The following SPAG16 variants were observed in gnomAD, a reference collection of about 807,000 sequenced individuals.
The protein encoded by SPAG16 is sperm associated antigen 16.
SPAG16 carries 86 observed loss-of-function variants against 80.4 expected under a neutral mutation model. That is an observed-to-expected ratio of 1.07 (90% CI 0.90 to 1.28). SPAG16 has a LOEUF of 1.28. Ranked by LOEUF, SPAG16 falls within the 50% of genes most tolerant of loss-of-function variation. The pLI, the probability that SPAG16 is intolerant of heterozygous loss-of-function variation, is 0.00. For synonymous variants in SPAG16, 294 were observed against 265.9 expected, an observed-to-expected ratio of 1.11 and a Z score of -1.03; for missense variants, 870 against 765.3, an observed-to-expected ratio of 1.14 and a Z score of -1.61.
chr2:213,578,332 A>G (rs1478746013), intron 10 of SPAG16, among the ~76,000 whole-genome samples: 1 of 152,194 alleles, frequency 6.6e-6, no homozygotes, highest in Non-Finnish European at 1.5e-5. Flanking sequence ...TAAGTTGTTT[A>G]AAGTGTGAGA....
intron 10 of SPAG16, among the ~76,000 whole-genome samples, chr2:213,776,149 A>C (rs1476543154): frequency 6.6e-6 from 1 of 152,216 alleles, no homozygotes; most frequent in Non-Finnish European, 1.5e-5. Context: ...TCATATGGCA[A>C]AGGAACTTTG....
At chr2:213,375,476 G>T (rs1247965421) in intron 9 of SPAG16, among the ~76,000 whole-genome samples, 1 of 151,992 alleles carries the variant, frequency 6.6e-6, no homozygotes, top group Non-Finnish European at 1.5e-5. Flanking sequence ...TGTAACGTCA[G>T]ACTTTACTTA....
intron 12 of SPAG16, among the ~76,000 whole-genome samples, chr2:213,999,915 AC>A (rs1232007098): frequency 6.6e-6 from 1 of 152,074 alleles, no homozygotes; most frequent in Non-Finnish European, 1.5e-5. Context: ...GGCTGTATTT[AC>A]CCAATACCTG....
chr2:213,353,341 T>A (rs1203634982), intron 7 of SPAG16, among the ~76,000 whole-genome samples: 1 of 152,198 alleles, frequency 6.6e-6, no homozygotes, highest in Non-Finnish European at 1.5e-5. Context: ...ACTGAGGTGG[T>A]TGAGGCTTCT....
chr2:213,439,996 T>A (rs2070845548), intron 9 of SPAG16, among the ~76,000 whole-genome samples: 1 of 152,196 alleles, frequency 6.6e-6, no homozygotes, highest in South Asian at 2.1e-4. Flanking sequence ...ATTTTATAAA[T>A]AAATGGAGAA....
At chr2:213,982,234 T>C (rs1179088319) in intron 12 of SPAG16, among the ~76,000 whole-genome samples, 1 of 152,052 alleles carries the variant, frequency 6.6e-6, no homozygotes, top group African/African-American at 2.4e-5. Context: ...CAATGGAGGC[T>C]CCCATGTGCC....
chr2:213,328,106 T>G lies in SPAG16; in HGVS notation c.536+10750T>G, dbSNP rs1559414963. Among the ~76,000 whole-genome samples, 3 of 152,098 alleles carry G rather than the reference T, an allele frequency of 2.0e-5. 1 individual carries two copies. Among genetic ancestry groups the G allele is most frequent in the Non-Finnish European group, 4.4e-5 (3 of 67,988 alleles). On this transcript the variant is annotated intron_variant, in intron 5 of 15. Transcript: ENST00000331683. ...GATATTATTATCATATTAGCATTACTCCAATGAAGTAACCATATCTGTTAG... is the reference window on the plus strand; with the variant it reads ...GATATTATTATCATATTAGCATTACGCCAATGAAGTAACCATATCTGTTAG...
At chr2:214,156,115 A>G (rs1010469919) in intron 15 of SPAG16, among the ~76,000 whole-genome samples, 2 of 152,336 alleles carry the variant, frequency 1.3e-5, no homozygotes, top group Non-Finnish European at 1.5e-5. Flanking sequence ...AAGCTAAGAC[A>G]TGGAATCCTG....
At chr2:213,509,492 C>T (rs549061970) in intron 10 of SPAG16, among the ~76,000 whole-genome samples, 68 of 152,330 alleles carry the variant, frequency 4.5e-4, no homozygotes, top group Non-Finnish European at 8.1e-4. Context: ...CCCTTCTACA[C>T]TTTCATCCAT....
chr2:213,484,712 A>G (rs1192794579), intron 9 of SPAG16, among the ~76,000 whole-genome samples: 1 of 152,198 alleles, frequency 6.6e-6, no homozygotes. Flanking sequence ...TCATTTCCCA[A>G]TAGTATTGAT....
At chr2:213,549,624 A>G (rs2076725308) in intron 10 of SPAG16, among the ~76,000 whole-genome samples, 1 of 152,164 alleles carries the variant, frequency 6.6e-6, no homozygotes, top group African/African-American at 2.4e-5. Flanking sequence ...GTGGAAGCTA[A>G]ACAGATCTCC....
intron 10 of SPAG16, among the ~76,000 whole-genome samples, chr2:213,538,758 T>C (rs2076331799): frequency 6.6e-6 from 1 of 152,178 alleles, no homozygotes. Flanking sequence ...CTATTTACCA[T>C]TCACAGGGTT....
intron 15 of SPAG16, among the ~76,000 whole-genome samples, chr2:214,408,628 A>T (rs937160982): frequency 6.6e-6 from 1 of 152,202 alleles, no homozygotes; most frequent in African/African-American, 2.4e-5. Flanking sequence ...TAAATATTTC[A>T]CTATAGCTTT....
At position 213,849,243 on chromosome 2, in the gene SPAG16, A is replaced by G. The variant is rs565242049; in HGVS notation, c.1071-13242A>G. Among the ~76,000 whole-genome samples, 10 of 152,218 alleles carry G rather than the reference A, an allele frequency of 6.6e-5. No homozygotes were observed. The South Asian group carries it at 2.1e-3, about 32-fold the overall frequency. On this transcript the variant is annotated intron_variant, in intron 10 of 15. Coordinates refer to ENST00000331683, the MANE Select transcript of SPAG16 (RefSeq NM_024532.5). Reference sequence around the variant, plus strand: ...CCAGGCTCTTTTTAAGAACTAGCCCATGCAGGAACTAATAGAGTTAGAACT... The same window carrying G: ...CCAGGCTCTTTTTAAGAACTAGCCCGTGCAGGAACTAATAGAGTTAGAACT...
intron 15 of SPAG16, among the ~76,000 whole-genome samples, chr2:214,250,632 T>G (rs1367178918): frequency 1.4e-5 from 2 of 146,298 alleles, no homozygotes; most frequent in Non-Finnish European, 3.0e-5. Flanking sequence ...GAAAAATATA[T>G]AAATATTTAT....
chr2:214,236,304 G>C (rs1192830863), intron 15 of SPAG16, among the ~76,000 whole-genome samples: 1 of 152,130 alleles, frequency 6.6e-6, no homozygotes, highest in African/African-American at 2.4e-5. Flanking sequence ...AAGAGCATAG[G>C]TGCTTATAAA....
intron 7 of SPAG16, among the ~76,000 whole-genome samples, chr2:213,356,679 T>C (rs1043150059): frequency 6.6e-6 from 1 of 152,176 alleles, no homozygotes; most frequent in East Asian, 1.9e-4. Context: ...GTCAATATTG[T>C]TGATCTTTCA....
intron 10 of SPAG16, among the ~76,000 whole-genome samples, chr2:213,546,844 C>T (rs192814368): frequency 2.4e-4 from 36 of 152,194 alleles, no homozygotes; most frequent in Non-Finnish European, 3.2e-4. Context: ...TATCTCTTCT[C>T]GTTGCTTTGT....
intron 9 of SPAG16, among the ~76,000 whole-genome samples, chr2:213,467,797 C>CCCT (rs2072785068): frequency 6.6e-6 from 1 of 152,222 alleles, no homozygotes; most frequent in Non-Finnish European, 1.5e-5. Flanking sequence ...TCCAATGGTT[C>CCCT]CCTCCAGAGA....
Sources: gnomAD v4.1 joint callset for allele counts (sites outside exome capture counted in the v4.1 genomes callset) on GRCh38, gnomAD v4.1.1 for gene constraint, MANE v1.5 for transcripts, NCBI Gene and HGNC (gene_info 2026-07-23, HGNC 2026-07-21) for gene names.